Variants in ASTN2 observed in about 807,000 individuals in gnomAD.
ASTN2 encodes astrotactin-2.
ASTN2 carries 54 observed loss-of-function variants against 139.8 expected under a neutral mutation model. The observed-to-expected ratio is 0.39, with a 90% CI of 0.31 to 0.48. ASTN2 has a LOEUF of 0.48. Ranked by LOEUF, ASTN2 falls within the 20% of genes least tolerant of loss-of-function variation. ASTN2 has a pLI of 0.95. For missense variants in ASTN2, 1,565 were observed against 1,725.1 expected (o/e 0.91, Z 1.64); for synonymous variants, 756 against 719.5 (o/e 1.05, Z -0.81).
chr9:117,334,999 G>A (rs1828836910), intron 1 of ASTN2, among the ~76,000 whole-genome samples: 1 of 152,162 alleles, frequency 6.6e-6, no homozygotes, highest in Non-Finnish European at 1.5e-5. Flanking sequence ...AGGTTGCAGT[G>A]AGCATAGATC....
chr9:116,770,810 A>C (rs1410093529), intron 13 of ASTN2, among the ~76,000 whole-genome samples: 1 of 152,132 alleles, frequency 6.6e-6, no homozygotes, highest in African/African-American at 2.4e-5. Flanking sequence ...AAAGTTCTTG[A>C]GAAGGACTCT....
chr9:117,004,186 C>T (rs866483717), intron 7 of ASTN2, among the ~76,000 whole-genome samples: 17 of 152,072 alleles, frequency 1.1e-4, no homozygotes, highest in Admixed American at 2.0e-4. Context: ...GTAGCATGAT[C>T]ATGGCTAACT....
At chr9:116,815,499 A>C (rs1213541108) in intron 12 of ASTN2, among the ~76,000 whole-genome samples, 1 of 152,060 alleles carries the variant, frequency 6.6e-6, no homozygotes, top group Non-Finnish European at 1.5e-5. Context: ...TCTGAAAAAT[A>C]CTGAAACTTA....
intron 3 of ASTN2, among the ~76,000 whole-genome samples, chr9:117,213,037 G>T (rs2133018464): frequency 6.6e-6 from 1 of 152,242 alleles, no homozygotes; most frequent in East Asian, 1.9e-4. Flanking sequence ...CAACCTAGGT[G>T]TCCAACAACA....
At chr9:117,060,409 AGAAG>A (rs1287113907) in intron 5 of ASTN2, among the ~76,000 whole-genome samples, 11 of 36,672 alleles carry the variant, frequency 3.0e-4, no homozygotes, top group African/African-American at 1.7e-3. Context: ...AAAGAAAGAA[AGAAG>A]GAAAGGAAGG....
intron 11 of ASTN2, among the ~76,000 whole-genome samples, chr9:116,830,262 C>A (rs1226557169): frequency 6.6e-6 from 1 of 151,962 alleles, no homozygotes; most frequent in African/African-American, 2.4e-5. Context: ...CAGAGAGATG[C>A]AAATCAAAAC....
intron 5 of ASTN2, among the ~76,000 whole-genome samples, chr9:117,076,629 G>T (rs1264256102): frequency 6.6e-6 from 1 of 152,166 alleles, no homozygotes; most frequent in African/African-American, 2.4e-5. Flanking sequence ...AGACCAGTTA[G>T]GAGGCTGTTA....
intron 1 of ASTN2, among the ~76,000 whole-genome samples, chr9:117,324,366 C>T (rs748252912): frequency 1.3e-5 from 2 of 152,164 alleles, no homozygotes; most frequent in Non-Finnish European, 2.9e-5. Context: ...AATTGGTTCA[C>T]AGTTCTGCAT....
Position 116,432,336 on chromosome 9 carries a change from A to C in ASTN2, c.3783-6248T>G, listed in dbSNP as rs1244953946. The stretch of plus-strand genomic sequence containing the variant: ...ATTTATCTGTGGAGATCCATATCAC[A>C]TTTTTTCTTAGTGTGCACATATCTT... On this transcript the variant is annotated intron_variant, in intron 22 of 22. Coordinates refer to ENST00000313400, the MANE Select transcript of ASTN2 (RefSeq NM_001365068.1). Among the ~76,000 whole-genome samples the C allele has an allele frequency of 2.6e-5, 4 of 152,138 alleles. No homozygotes were observed. In the East Asian group the frequency reaches 5.8e-4, roughly 22 times the overall value.
chr9:117,039,759 A>T (rs939631811), intron 6 of ASTN2, 60 bp downstream of exon 6: 4 of 1,532,912 alleles, frequency 2.6e-6, no homozygotes, highest in Non-Finnish European at 2.6e-6. Context: ...GAAACCTTTG[A>T]CCAGTCAGGG....
intron 19 of ASTN2, chr9:116,612,303 G>T (rs147477725): frequency 6.6e-6 from 1 of 152,120 alleles, no homozygotes; most frequent in Non-Finnish European, 1.5e-5. Flanking sequence ...GTCAACATTA[G>T]ATAGATCAAT....
chr9:117,056,771 A>C (rs1473827427), intron 5 of ASTN2, among the ~76,000 whole-genome samples: 1 of 152,212 alleles, frequency 6.6e-6, no homozygotes, highest in Non-Finnish European at 1.5e-5. Flanking sequence ...AGACAAATAA[A>C]GTTTGAAACT....
chr9:116,885,172 A>G (rs755137640), intron 10 of ASTN2, among the ~76,000 whole-genome samples: 2 of 152,126 alleles, frequency 1.3e-5, no homozygotes, highest in Non-Finnish European at 2.9e-5. Flanking sequence ...GTATAAATAT[A>G]TAGAAGGAAT....
chr9:117,382,966 G>C (rs1468765816), intron 1 of ASTN2, among the ~76,000 whole-genome samples: 1 of 152,162 alleles, frequency 6.6e-6, no homozygotes, highest in African/African-American at 2.4e-5. Context: ...AACTTTTTTA[G>C]TGAAGGGCCA....
chr9:116,834,530 T>C (rs977424210), intron 11 of ASTN2, among the ~76,000 whole-genome samples: 1 of 152,240 alleles, frequency 6.6e-6, no homozygotes, highest in African/African-American at 2.4e-5. Flanking sequence ...TGATATTTTA[T>C]AATTATTTGG....
At chr9:116,735,001 A>G (rs1170653974) in intron 13 of ASTN2, among the ~76,000 whole-genome samples, 2 of 152,196 alleles carry the variant, frequency 1.3e-5, no homozygotes, top group African/African-American at 4.8e-5. Context: ...CTTTACATAC[A>G]TTTTATCACT....
chr9:116,681,404 G>C (rs1257972663), intron 16 of ASTN2, among the ~76,000 whole-genome samples: 1 of 152,160 alleles, frequency 6.6e-6, no homozygotes, highest in Non-Finnish European at 1.5e-5. Context: ...AACATTCCAT[G>C]CTCATTGGTA....
At chr9:116,715,201 G>T (rs537968324) in intron 16 of ASTN2, among the ~76,000 whole-genome samples, 1 of 151,820 alleles carries the variant, frequency 6.6e-6, no homozygotes, top group South Asian at 2.1e-4. Context: ...CTTAATTTAA[G>T]GCATTGGAGA....
At chr9:116,956,440 T>A (rs1432603979) in intron 10 of ASTN2, among the ~76,000 whole-genome samples, 1 of 147,678 alleles carries the variant, frequency 6.8e-6, no homozygotes, top group Non-Finnish European at 1.5e-5. Context: ...TTCATATATA[T>A]TATATATAAT....
Sources: allele counts gnomAD v4.1 joint callset (sites outside exome capture counted in the v4.1 genomes callset), GRCh38; gene constraint gnomAD v4.1.1; transcripts MANE v1.5; gene names NCBI Gene and HGNC (gene_info 2026-07-23, HGNC 2026-07-21).